Variants in ARHGAP36 observed in about 807,000 individuals in gnomAD.
ARHGAP36 encodes the protein Rho GTPase activating protein 36.
Under a neutral mutation model 32.9 loss-of-function variants are expected in ARHGAP36, and 7 were observed. The observed-to-expected ratio is 0.21, with a 90% CI of 0.12 to 0.40. The LOEUF (loss-of-function observed/expected upper bound fraction) is 0.40, where lower values mean the gene tolerates loss of function less well. Among genes scored for constraint, ARHGAP36 ranks in the 10% least tolerant of loss-of-function variants. The pLI is 1.00. For synonymous variants in ARHGAP36, 165 were observed against 168.3 expected (o/e 0.98, Z 0.15); for missense variants, 383 against 442.2 (o/e 0.87, Z 1.20).
intron 1 of ARHGAP36, among the ~76,000 whole-genome samples, chrX:131,073,269 G>A (rs1182400057): frequency 8.8e-6 from 1 of 113,171 alleles, no homozygotes; most frequent in Non-Finnish European, 1.9e-5. Context: ...TAACTTTACA[G>A]GTTCTGCGCT....
rs771906221 is a variant in ARHGAP36, at chrX:131,083,980, C to T, written c.555+11C>T. 1.5e-5 allele frequency: 18 copies of T among 1,206,427 alleles called. No homozygotes were observed. The South Asian group carries it at 3.2e-4, about 21-fold the overall frequency. ...CGCCGTGGGCGTCGAGTGAGTTAAACCCTCCAGGTTTCAGGCAGGGGCCTC... is the reference window on the plus strand; with the variant it reads ...CGCCGTGGGCGTCGAGTGAGTTAAATCCTCCAGGTTTCAGGCAGGGGCCTC... On this transcript the variant is annotated intron_variant, in intron 4 of 11. Transcript: ENST00000276211.
intron 3 of ARHGAP36, 50 bp downstream of exon 3, chrX:131,083,280 C>T: frequency 8.8e-6 from 10 of 1,137,581 alleles, no homozygotes; most frequent in Non-Finnish European, 1.2e-5. Context: ...ATGCTAACCC[C>T]CTGTGTAGTG....
At chrX:131,063,731 G>A (rs1240897844) in intron 1 of ARHGAP36, among the ~76,000 whole-genome samples, 5 of 42,215 alleles carry the variant, frequency 1.2e-4, no homozygotes, top group East Asian at 6.7e-4. Flanking sequence ...CCCCTCCCCC[G>A]CCCCCAATTT....
At chrX:131,078,345 T>G (rs2079776038) in intron 1 of ARHGAP36, among the ~76,000 whole-genome samples, 1 of 112,073 alleles carries the variant, frequency 8.9e-6, no homozygotes, top group African/African-American at 3.2e-5. Flanking sequence ...TCAGTTATAT[T>G]TGGCTCTAAC....
intron 1 of ARHGAP36, among the ~76,000 whole-genome samples, chrX:131,069,745 A>G (rs1216320117): frequency 3.6e-5 from 4 of 110,944 alleles, no homozygotes; most frequent in Non-Finnish European, 7.6e-5. Context: ...CCAGGTCACA[A>G]CTCCAATCCT....
At position 131,089,147 on chromosome X, in the gene ARHGAP36, T is replaced by G. The variant is rs191234005; in HGVS notation, c.*362T>G. ...CCAGGGAACCTCACAAATCTTGAGA[T>G]GCTTTCCCTTCCCCAGATGGGATTG... On this transcript the variant is annotated 3_prime_UTR_variant, in exon 12 of 12. Transcript: ENST00000276211. The G allele has an allele frequency of 7.5e-5, 11 of 147,336 alleles. No individual in the cohort carries two copies. The highest frequency in any genetic ancestry group is 1.4e-4 in the Non-Finnish European group (11 of 77,229). 12.1% of individuals were successfully genotyped at this position (147,336 alleles called of 1,213,427 possible). A position where few individuals can be genotyped will look rare whatever the true frequency, so the allele number is the denominator to read the frequency against.
chrX:131,088,020 A>G (rs1283092334), intron 11 of ARHGAP36, among the ~76,000 whole-genome samples: 7 of 112,608 alleles, frequency 6.2e-5, no homozygotes, highest in Non-Finnish European at 9.4e-5. Flanking sequence ...AATCTTGAAG[A>G]AGTCATGGAT....
At chrX:131,083,999 G>T (rs2079820704) in intron 4 of ARHGAP36, 30 bp downstream of exon 4, 15 of 1,190,928 alleles carry the variant, frequency 1.3e-5, no homozygotes, top group Non-Finnish European at 1.6e-5. Context: ...TTTCAGGCAG[G>T]GGCCTCTCCT....
At chrX:131,071,184 G>A (rs765641327) in intron 1 of ARHGAP36, among the ~76,000 whole-genome samples, 2 of 108,153 alleles carry the variant, frequency 1.8e-5, no homozygotes, top group African/African-American at 6.9e-5. Context: ...GAGAGAGAGA[G>A]ACAGAGACAG....
chrX:131,076,941 C>T (rs1004027960), intron 1 of ARHGAP36, among the ~76,000 whole-genome samples: 2 of 112,153 alleles, frequency 1.8e-5, no homozygotes, highest in Admixed American at 1.9e-4. Context: ...AGTTTATGAC[C>T]TTCTGCTATA....
chrX:131,062,413 T>C (rs369479795), intron 1 of ARHGAP36, among the ~76,000 whole-genome samples: 20 of 111,836 alleles, frequency 1.8e-4, no homozygotes, highest in African/African-American at 6.2e-4. Flanking sequence ...AATTTCACTA[T>C]ACATAGTTTA....
At chrX:131,060,427 C>T (rs894603973) in intron 1 of ARHGAP36, among the ~76,000 whole-genome samples, 2 of 112,074 alleles carry the variant, frequency 1.8e-5, no homozygotes, top group East Asian at 2.8e-4. Context: ...CACACACACA[C>T]GCTTCACATG....
At position 131,081,408 on chromosome X, in the gene ARHGAP36, AT is replaced by A. The variant is rs1327076949; in HGVS notation, c.-142-110del. On this transcript the variant is annotated intron_variant, in intron 1 of 11. Coordinates refer to ENST00000276211, the MANE Select transcript of ARHGAP36 (RefSeq NM_144967.4). Reference sequence around the variant, plus strand: ...TTGTTAAAAAATGTTTTTCTCTTTTATTTTTTCTTCTTATTTTCTCTCTTTG... The same window carrying A: ...TTGTTAAAAAATGTTTTTCTCTTTTATTTTTCTTCTTATTTTCTCTCTTTG... The A allele has an allele frequency of 1.2e-4, 72 of 584,024 alleles. No individual in the cohort carries two copies. The Admixed American group carries it at 1.5e-3, about 12-fold the overall frequency. The allele number at this position is 584,024 out of a possible 1,213,427, so 48.1% of individuals were successfully genotyped here. A position where few individuals can be genotyped will look rare whatever the true frequency, so the allele number is the denominator to read the frequency against.
chrX:131,083,072 C>T (rs1271919837), intron 2 of ARHGAP36, 93 bp from the exon 3 acceptor site: 1 of 924,311 alleles, frequency 1.1e-6, no homozygotes, highest in Non-Finnish European at 1.5e-6. Flanking sequence ...TCTGCCGCTC[C>T]CTCCCCCTGC....
At chrX:131,081,456 T>G in intron 1 of ARHGAP36, 68 bp from the exon 2 acceptor site, 1 of 850,322 alleles carries the variant, frequency 1.2e-6, no homozygotes, top group Non-Finnish European at 1.5e-6. Flanking sequence ...TCTAATTAGG[T>G]TTTCTTTTTC....
chrX:131,085,747 C>A lies in ARHGAP36; in HGVS notation c.1104+11C>A, dbSNP rs2079831919. On this transcript the variant is annotated intron_variant, in intron 8 of 11. Transcript: ENST00000276211. ...ATTGATGGACAGTTGGTAAAAAGAT[C>A]TTGGAAAGAGTAGTGAAAACTGTAG... 2 of 1,207,780 alleles carry A rather than the reference C, an allele frequency of 1.7e-6. No individual in the cohort carries two copies. Among genetic ancestry groups the A allele is most frequent in the Admixed American group, 2.2e-5 (1 of 45,625 alleles).
chrX:131,074,547 A>C (rs1035924146), intron 1 of ARHGAP36, among the ~76,000 whole-genome samples: 2 of 111,688 alleles, frequency 1.8e-5, no homozygotes, highest in Non-Finnish European at 3.8e-5. Flanking sequence ...GCAAACTAAA[A>C]ACTTATAGCT....
In ARHGAP36 at chrX:131,058,369, G is replaced by A; in HGVS notation, c.-218G>A. On this transcript the variant is annotated 5_prime_UTR_variant, in exon 1 of 12. Coordinates refer to ENST00000276211, the MANE Select transcript of ARHGAP36 (RefSeq NM_144967.4). ...ACGCAAAGGTTAACTGCGAGCTGCC[G>A]GGCACTCAGCGCGGGTCATGGCGTG... is the stretch of plus-strand genomic sequence containing the variant. The A allele has an allele frequency of 8.9e-7, 1 of 1,127,020 alleles. No individual in the cohort carries two copies. Among genetic ancestry groups the A allele is most frequent in the Non-Finnish European group, 1.2e-6 (1 of 853,637 alleles). The allele number at this position is 1,127,020 out of a possible 1,213,427, so 92.9% of individuals were successfully genotyped here. A position where few individuals can be genotyped will look rare whatever the true frequency, so the allele number is the denominator to read the frequency against.
Position 131,058,422 on chromosome X carries a change from C to T in ARHGAP36, c.-165C>T. On this transcript the variant is annotated 5_prime_UTR_variant, in exon 1 of 12. Coordinates refer to ENST00000276211, the MANE Select transcript of ARHGAP36 (RefSeq NM_144967.4). Reference sequence around the variant, plus strand: ...TACTGGACTGCCTTTTCGCCTCGGCCTTTGAGCCCCGCCCCCGCCGTGGTG... The same window carrying T: ...TACTGGACTGCCTTTTCGCCTCGGCTTTTGAGCCCCGCCCCCGCCGTGGTG... 1.8e-6 allele frequency: 2 copies of T among 1,091,806 alleles called. No individual in the cohort carries two copies. Among genetic ancestry groups the T allele is most frequent in the Non-Finnish European group, 2.4e-6 (2 of 833,399 alleles). The allele number at this position is 1,091,806 out of a possible 1,213,427, so 90.0% of individuals were successfully genotyped here. A position where few individuals can be genotyped will look rare whatever the true frequency, so the allele number is the denominator to read the frequency against.
Sources: allele counts gnomAD v4.1 joint callset (sites outside exome capture counted in the v4.1 genomes callset), GRCh38; gene constraint gnomAD v4.1.1; transcripts MANE v1.5; gene names NCBI Gene and HGNC (gene_info 2026-07-23, HGNC 2026-07-21).